MYH11: variants seen among roughly 807,000 people sequenced by gnomAD.
MYH11 encodes the protein myosin-11.
In MYH11, 80 loss-of-function variants were observed where a neutral mutation model predicts 246.6. The ratio of observed to expected loss-of-function variants is 0.32; its 90% confidence interval spans 0.27 to 0.39. MYH11 has a LOEUF of 0.39. Ranked by LOEUF, MYH11 falls within the 10% of genes least tolerant of loss-of-function variation. The probability of loss-of-function intolerance (pLI) is 1.00; values close to 1 mark genes in which losing one functional copy is unlikely to be tolerated. For synonymous variants in MYH11, 1,071 were observed against 1,015.5 expected (o/e 1.05, Z -1.04); for missense variants, 2,158 against 2,546.8 (o/e 0.85, Z 3.29).
chr16:15,775,941 C>G, intron 8 of MYH11, 137 bp downstream of exon 8: 1 of 757,194 alleles, frequency 1.3e-6, no homozygotes. Flanking sequence ...AGATGAAGAA[C>G]TGTTCATATG....
At chr16:15,741,936 G>T in intron 20 of MYH11, 45 bp from the exon 21 acceptor site, 6 of 1,612,914 alleles carry the variant, frequency 3.7e-6, no homozygotes, top group Non-Finnish European at 4.2e-6. Context: ...GTGGCAAAGG[G>T]ATATGTTGTC....
intron 14 of MYH11, among the ~76,000 whole-genome samples, chr16:15,754,705 CCA>C (rs2041666292): frequency 6.6e-6 from 1 of 152,092 alleles, no homozygotes; most frequent in South Asian, 2.1e-4. Flanking sequence ...TCTCTGTTGC[CCA>C]GTCTGGAGTG....
intron 6 of MYH11, among the ~76,000 whole-genome samples, chr16:15,780,597 C>T (rs2042330849): frequency 1.3e-5 from 2 of 150,158 alleles, no homozygotes; most frequent in Admixed American, 1.3e-4. Flanking sequence ...ATTCTCCCAC[C>T]TCAGCCTCCC....
intron 2 of MYH11, among the ~76,000 whole-genome samples, chr16:15,832,884 C>T (rs1010075303): frequency 3.4e-5 from 5 of 149,042 alleles, no homozygotes; most frequent in African/African-American, 9.9e-5. Context: ...TGTCTGAATC[C>T]CAGCTCTGCC....
At chr16:15,786,459 C>G (rs549188805) in intron 5 of MYH11, 171 bp downstream of exon 5, 1 of 788,008 alleles carries the variant, frequency 1.3e-6, no homozygotes, top group Non-Finnish European at 2.3e-6. Context: ...AAATCACCCA[C>G]ACTCAACAGG....
chr16:15,848,457 C>A (rs1317888167), intron 1 of MYH11, among the ~76,000 whole-genome samples: 5 of 152,076 alleles, frequency 3.3e-5, no homozygotes, highest in Non-Finnish European at 7.4e-5. Flanking sequence ...TGGTCTTGAA[C>A]TCCAGGCCTC....
At chr16:15,837,863 C>A in intron 2 of MYH11, 45 bp downstream of exon 2, 1 of 1,549,304 alleles carries the variant, frequency 6.5e-7, no homozygotes. Context: ...TGCCTACTTT[C>A]CTTATGAGGC....
intron 1 of MYH11, among the ~76,000 whole-genome samples, chr16:15,845,893 A>G (rs530929928): frequency 1.3e-5 from 2 of 152,146 alleles, no homozygotes; most frequent in South Asian, 4.2e-4. Flanking sequence ...GGAGTTTGAG[A>G]CCAGCTTGGC....
chr16:15,718,908 A>G, intron 36 of MYH11: 1 of 425,852 alleles, frequency 2.3e-6, no homozygotes, highest in Non-Finnish European at 4.4e-6. Context: ...TAGGAGGATC[A>G]CCTAAGGTCA....
intron 3 of MYH11, among the ~76,000 whole-genome samples, chr16:15,800,537 G>A (rs976219433): frequency 6.6e-6 from 1 of 151,260 alleles, no homozygotes; most frequent in African/African-American, 2.4e-5. Context: ...GTGAGTGGAT[G>A]AGAGAGTGGA....
At chr16:15,767,916 T>C (rs2042018760) in intron 9 of MYH11, among the ~76,000 whole-genome samples, 1 of 151,560 alleles carries the variant, frequency 6.6e-6, no homozygotes, top group South Asian at 2.1e-4. Flanking sequence ...TGCCAACATC[T>C]TGTCTTTTAA....
intron 3 of MYH11, among the ~76,000 whole-genome samples, chr16:15,819,470 T>C (rs546165204): frequency 6.6e-5 from 10 of 152,196 alleles, no homozygotes; most frequent in African/African-American, 2.4e-4. Flanking sequence ...TCCTCTCAGA[T>C]CAGAGGCGGC....
chr16:15,841,752 C>T (rs372122216), intron 1 of MYH11, among the ~76,000 whole-genome samples: 1 of 152,246 alleles, frequency 6.6e-6, no homozygotes, highest in African/African-American at 2.4e-5. Flanking sequence ...CACTGGCTTA[C>T]AGCCCCTTCT....
intron 1 of MYH11, among the ~76,000 whole-genome samples, chr16:15,852,379 C>T (rs1488052173): frequency 7.1e-6 from 1 of 140,004 alleles, no homozygotes; most frequent in Non-Finnish European, 1.5e-5. Flanking sequence ...TTTGCCCAGG[C>T]TGGAGTGCAG....
chr16:15,771,049 G>A (rs1395107691), intron 9 of MYH11, among the ~76,000 whole-genome samples: 1 of 151,670 alleles, frequency 6.6e-6, no homozygotes, highest in Non-Finnish European at 1.5e-5. Flanking sequence ...AGCTGGAGTG[G>A]AGTGGTGTAA....
intron 3 of MYH11, among the ~76,000 whole-genome samples, chr16:15,821,333 T>C (rs1283030089): frequency 6.6e-6 from 1 of 152,234 alleles, no homozygotes; most frequent in Non-Finnish European, 1.5e-5. Flanking sequence ...TCATGCCATT[T>C]AGTTCAGTTA....
chr16:15,814,099 G>A (rs11648603), intron 3 of MYH11, among the ~76,000 whole-genome samples: 12,713 of 150,638 alleles, frequency 0.084, 645 homozygotes, highest in Middle Eastern at 0.13. Flanking sequence ...AGCAGAGATC[G>A]TGCACTCCAG....
chr16:15,826,711 G>A (rs1022910291), intron 2 of MYH11, among the ~76,000 whole-genome samples: 1 of 152,152 alleles, frequency 6.6e-6, no homozygotes, highest in East Asian at 1.9e-4. Flanking sequence ...GTACAGGATT[G>A]TTGGGCGCAG....
Position 15,726,841 on chromosome 16 carries a change from T to C in MYH11, c.3858+7A>G, listed in dbSNP as rs771648931. 2 of 1,611,350 alleles carry C rather than the reference T, an allele frequency of 1.2e-6. No individual in the cohort carries two copies. Among genetic ancestry groups the C allele is most frequent in the Non-Finnish European group, 1.7e-6 (2 of 1,179,890 alleles). Reference sequence around the variant, plus strand: ...CTGCCCACCACACCACCGCGCCACCTCCTCACCTGCAGCTTGTGGACTTTG... The same window carrying C: ...CTGCCCACCACACCACCGCGCCACCCCCTCACCTGCAGCTTGTGGACTTTG... On this transcript the variant is annotated splice_region_variant and intron_variant, in intron 28 of 40. Transcript: ENST00000300036.
Sources: allele counts gnomAD v4.1 joint callset (sites outside exome capture counted in the v4.1 genomes callset), GRCh38; gene constraint gnomAD v4.1.1; transcripts MANE v1.5; gene names NCBI Gene and HGNC (gene_info 2026-07-23, HGNC 2026-07-21).